Variants in FOXO1 observed in about 807,000 individuals in gnomAD.
FOXO1 encodes the protein forkhead box protein O1.
Under a neutral mutation model 44.1 loss-of-function variants are expected in FOXO1, and 6 were observed. The ratio of observed to expected loss-of-function variants is 0.14; its 90% confidence interval spans 0.07 to 0.27. The LOEUF (loss-of-function observed/expected upper bound fraction) is 0.27. Ranked by LOEUF, FOXO1 falls within the 10% of genes least tolerant of loss-of-function variation. The pLI is 1.00. For synonymous variants in FOXO1, 380 were observed against 362.7 expected (o/e 1.05, Z -0.54); for missense variants, 737 against 888.8 (o/e 0.83, Z 2.17).
chr13:40,641,485 G>A (rs1159586603), intron 1 of FOXO1, among the ~76,000 whole-genome samples: 1 of 151,828 alleles, frequency 6.6e-6, no homozygotes, highest in Non-Finnish European at 1.5e-5. Flanking sequence ...GGATGAGCCA[G>A]TAAGACTTCT....
intron 1 of FOXO1, among the ~76,000 whole-genome samples, chr13:40,656,900 G>A (rs1379913165): frequency 6.6e-6 from 1 of 151,512 alleles, no homozygotes; most frequent in African/African-American, 2.4e-5. Context: ...GCACGATCCA[G>A]GCTCACTGTA....
rs1417629718 is a variant in FOXO1, at chr13:40,664,800, C to T, written c.630+783G>A. Among the ~76,000 whole-genome samples the T allele has an allele frequency of 2.1e-5, 3 of 143,198 alleles. No individual in the cohort carries two copies. The East Asian group carries it at 7.0e-4, about 33-fold the overall frequency. 93.9% of individuals were successfully genotyped at this position (143,198 alleles called of 152,430 possible). ...GGCGCGGGCTTCCTGCGCCCGGGGC[C>T]CCTCCCACGCCACCGCCACCGCCAC... On this transcript the variant is annotated intron_variant, in intron 1 of 2. Coordinates refer to ENST00000379561, the MANE Select transcript of FOXO1 (RefSeq NM_002015.4).
At chr13:40,599,586 GGCAT>G (rs1334692938) in intron 1 of FOXO1, among the ~76,000 whole-genome samples, 2 of 152,138 alleles carry the variant, frequency 1.3e-5, no homozygotes, top group African/African-American at 4.8e-5. Flanking sequence ...GGAATCGTGT[GGCAT>G]GTGTCTTTGT....
intron 1 of FOXO1, among the ~76,000 whole-genome samples, chr13:40,627,831 T>TA (rs1166555605): frequency 0.056 from 6,997 of 125,650 alleles, 214 homozygotes; most frequent in African/African-American, 0.11. Flanking sequence ...ATACTCCGGC[T>TA]AAAAAAAAAA....
Position 40,666,526 on chromosome 13 carries a change from G to T in FOXO1, c.-314C>A, listed in dbSNP as rs1234658011. 1.1e-5 allele frequency: 3 copies of T among 282,926 alleles called. No individual in the cohort carries two copies. The highest frequency in any genetic ancestry group is 2.0e-5 in the Non-Finnish European group (3 of 151,592). 17.5% of individuals were successfully genotyped at this position (282,926 alleles called of 1,614,324 possible). A position where few individuals can be genotyped will look rare whatever the true frequency, so the allele number is the denominator to read the frequency against. On this transcript the variant is annotated 5_prime_UTR_variant, in exon 1 of 3. Coordinates refer to ENST00000379561, the MANE Select transcript of FOXO1 (RefSeq NM_002015.4). ...CAGGGCCGCGGACGGAAGGACGGACGGACGCCGCGGGCCGCTTGCTCTCCC... is the reference window on the plus strand; with the variant it reads ...CAGGGCCGCGGACGGAAGGACGGACTGACGCCGCGGGCCGCTTGCTCTCCC...
rs79692440 is a variant in FOXO1 at position 40,630,109 on chromosome 13, G to A, written c.630+35474C>T. 0.026 allele frequency among the ~76,000 whole-genome samples: 4,000 copies of A among 152,158 alleles called. 220 individuals are homozygous for A. The East Asian group carries it at 0.27, about 10-fold the overall frequency. ...CTATGTCCAAAAAATAAGGGAAGGAGGTTTAAAATATAAGTAGCTAAACCA... is the reference window on the plus strand; with the variant it reads ...CTATGTCCAAAAAATAAGGGAAGGAAGTTTAAAATATAAGTAGCTAAACCA... On this transcript the variant is annotated intron_variant, in intron 1 of 2. Coordinates refer to ENST00000379561, the MANE Select transcript of FOXO1 (RefSeq NM_002015.4).
chr13:40,665,371 C>T (rs565479666), intron 1 of FOXO1, among the ~76,000 whole-genome samples: 1 of 152,304 alleles, frequency 6.6e-6, no homozygotes, highest in African/African-American at 2.4e-5. Context: ...CTTACCGCGT[C>T]CCACGCGAAC....
At chr13:40,590,633 T>C (rs2137864482) in intron 1 of FOXO1, among the ~76,000 whole-genome samples, 1 of 152,330 alleles carries the variant, frequency 6.6e-6, no homozygotes, top group East Asian at 1.9e-4. Context: ...CCCAGCAGTC[T>C]CAAAGGCTCA....
intron 1 of FOXO1, among the ~76,000 whole-genome samples, chr13:40,634,493 C>A (rs1444883935): frequency 6.6e-6 from 1 of 152,130 alleles, no homozygotes; most frequent in African/African-American, 2.4e-5. Flanking sequence ...TAGGGCAACA[C>A]AGACCCCATT....
At chr13:40,641,933 C>T (rs1473252241) in intron 1 of FOXO1, among the ~76,000 whole-genome samples, 1 of 152,102 alleles carries the variant, frequency 6.6e-6, no homozygotes, top group African/African-American at 2.4e-5. Context: ...TTGCAGTGAA[C>T]CAAGATCACA....
intron 1 of FOXO1, among the ~76,000 whole-genome samples, chr13:40,604,324 T>C (rs1020201838): frequency 2.6e-5 from 4 of 152,178 alleles, no homozygotes; most frequent in Admixed American, 6.5e-5. Flanking sequence ...CTACATGTTA[T>C]TTAAAGCATA....
chr13:40,599,185 C>A (rs1875719251), intron 1 of FOXO1, among the ~76,000 whole-genome samples: 1 of 145,270 alleles, frequency 6.9e-6, no homozygotes. Flanking sequence ...CTGAACAAAA[C>A]ATGGCAATAA....
At chr13:40,619,768 T>A in intron 1 of FOXO1, 2 of 819,488 alleles carry the variant, frequency 2.4e-6, no homozygotes, top group Non-Finnish European at 4.3e-6. Flanking sequence ...AACTGGGGGA[T>A]CAGCTGGCAT....
At chr13:40,637,443 CAAAAAAAAAAAA>C (rs894457880) in intron 1 of FOXO1, among the ~76,000 whole-genome samples, 78 of 52,582 alleles carry the variant, frequency 1.5e-3, no homozygotes, top group African/African-American at 4.6e-3. Context: ...GACTCCATCA[CAAAAAAAAAAAA>C]AAAAAAAAAA....
At chr13:40,662,042 G>A (rs933991041) in intron 1 of FOXO1, among the ~76,000 whole-genome samples, 2 of 151,580 alleles carry the variant, frequency 1.3e-5, no homozygotes, top group South Asian at 2.1e-4. Flanking sequence ...ATGGTGGCAC[G>A]TGCCAGTAGT....
chr13:40,597,956 G>A (rs537087799), intron 1 of FOXO1, among the ~76,000 whole-genome samples: 8 of 152,298 alleles, frequency 5.3e-5, no homozygotes, highest in South Asian at 2.1e-4. Context: ...TTATGGTGGC[G>A]GGCGGTGCTC....
Position 40,560,002 on chromosome 13 carries a change from T to G in FOXO1, c.1489A>C (p.Met497Leu). 1 of 1,614,162 alleles carries G rather than the reference T, an allele frequency of 6.2e-7. No individual in the cohort carries two copies. The change falls in exon 2 of 3, where the codon ATG becomes CTG. Residue 497 changes from methionine to leucine, a missense_variant. Around this residue, in one of 7 missense-constraint regions of FOXO1, gnomAD observed 283 missense variants for 278.1 expected, o/e 1.02. Coordinates refer to ENST00000379561, the MANE Select transcript of FOXO1 (RefSeq NM_002015.4). The surrounding 1 kb of genome is among the most constrained non-coding windows in gnomAD (Gnocchi z 5.1). ...GACATGACCGAATTAGGGCCCATCA[T>G]GACGTTCTGGCCCAGAACCCGGCTG... Reference protein sequence around the residue: ...PNSRVLGQNVMMGPNSVMSTY... With the variant: ...PNSRVLGQNVLMGPNSVMSTY...
intron 1 of FOXO1, among the ~76,000 whole-genome samples, chr13:40,663,781 G>T (rs1304200300): frequency 1.3e-5 from 2 of 152,114 alleles, no homozygotes; most frequent in African/African-American, 4.8e-5. Context: ...ACACACTTTG[G>T]AAAAAATAAA....
At chr13:40,646,943 C>T (rs1877531243) in intron 1 of FOXO1, among the ~76,000 whole-genome samples, 1 of 152,106 alleles carries the variant, frequency 6.6e-6, no homozygotes, top group Non-Finnish European at 1.5e-5. Context: ...GACACACTAC[C>T]CCAAAATATG....
Sources: gnomAD v4.1 joint callset for allele counts (sites outside exome capture counted in the v4.1 genomes callset) on GRCh38, gnomAD v4.1.1 for gene constraint, gnomAD v4.1.1 regional missense constraint, Gnocchi (gnomAD v3.1) non-coding constraint, MANE v1.5 for transcripts, NCBI Gene and HGNC (gene_info 2026-07-23, HGNC 2026-07-21) for gene names.